The following CUBN variants were observed in gnomAD, a reference collection of about 807,000 sequenced individuals.
CUBN encodes the protein 460 kDa receptor.
CUBN carries 282 observed loss-of-function variants against 405.3 expected under a neutral mutation model. The observed-to-expected ratio is 0.70, with a 90% CI of 0.63 to 0.77. The LOEUF (loss-of-function observed/expected upper bound fraction) is 0.77, where lower values mean the gene tolerates loss of function less well. CUBN is among the 30% of genes least tolerant of loss of function. CUBN has a pLI of 0.00. For missense variants in CUBN, 4,514 were observed against 4,475.2 expected, an observed-to-expected ratio of 1.01 and a Z score of -0.25; for synonymous variants, 1,684 against 1,617.0, an observed-to-expected ratio of 1.04 and a Z score of -0.99.
In CUBN at chr10:16,854,721, G is replaced by A. The variant is rs183173703; in HGVS notation, c.9455-3278C>T. On this transcript the variant is annotated intron_variant, in intron 59 of 66. Coordinates refer to ENST00000377833, the MANE Select transcript of CUBN (RefSeq NM_001081.4). ...TTAACTGTTACTAATAAGTTCATAA[G>A]GGCAAGATGGCAATTGTACTTGGGC... Among the ~76,000 whole-genome samples the A allele has an allele frequency of 5.7e-3, 869 of 152,232 alleles. 6 individuals are homozygous for A. Among genetic ancestry groups the A allele is most frequent in the Non-Finnish European group, 9.2e-3 (623 of 68,002 alleles).
chr10:16,955,009 G>A (rs1031054322), intron 31 of CUBN, among the ~76,000 whole-genome samples: 3 of 152,208 alleles, frequency 2.0e-5, no homozygotes, highest in Admixed American at 2.0e-4. Flanking sequence ...TAATGCTCAA[G>A]AGAAGAGAAA....
intron 22 of CUBN, among the ~76,000 whole-genome samples, chr10:17,052,035 G>A (rs1835281163): frequency 6.7e-6 from 1 of 148,296 alleles, no homozygotes; most frequent in Admixed American, 6.6e-5. Flanking sequence ...GGAAAACACA[G>A]AAGCCAGTTG....
intron 6 of CUBN, among the ~76,000 whole-genome samples, chr10:17,119,015 T>G (rs1836970714): frequency 6.6e-6 from 1 of 152,194 alleles, no homozygotes; most frequent in African/African-American, 2.4e-5. Flanking sequence ...TTTTGGCAAT[T>G]GAGAAGAGGT....
At chr10:17,003,006 C>CA (rs1415805373) in intron 28 of CUBN, among the ~76,000 whole-genome samples, 1 of 152,008 alleles carries the variant, frequency 6.6e-6, no homozygotes, top group African/African-American at 2.4e-5. Context: ...ATCACAAAGA[C>CA]AAAAGCCCAA....
At chr10:17,037,723 A>G (rs1290116384) in intron 27 of CUBN, among the ~76,000 whole-genome samples, 1 of 152,222 alleles carries the variant, frequency 6.6e-6, no homozygotes, top group Non-Finnish European at 1.5e-5. Flanking sequence ...GGAGAAAAGA[A>G]GCCATCACTT....
chr10:16,831,540 A>G (rs1838994316), intron 64 of CUBN, 123 bp from the exon 65 acceptor site: 1 of 892,838 alleles, frequency 1.1e-6, no homozygotes, highest in African/African-American at 1.7e-5. Flanking sequence ...TACAGTTAAG[A>G]ATGAAGCGTT....
At position 17,024,788 on chromosome 10, in the gene CUBN, G is replaced by A. The variant is rs184264207; in HGVS notation, c.4018-4805C>T. On this transcript the variant is annotated intron_variant, in intron 27 of 66. Coordinates refer to ENST00000377833, the MANE Select transcript of CUBN (RefSeq NM_001081.4). ...CCCAAAGAGCTGAGATTACAAGTGC[G>A]AGCCACCATGCCCAGCCCCAAACTC... Among the ~76,000 whole-genome samples the A allele has an allele frequency of 8.8e-4, 134 of 152,246 alleles. 1 individual carries two copies. The highest frequency in any genetic ancestry group is 3.4e-3 in the Middle Eastern group (1 of 294).
chr10:16,985,958 C>A (rs536680162), intron 29 of CUBN, among the ~76,000 whole-genome samples: 4 of 152,310 alleles, frequency 2.6e-5, no homozygotes, highest in African/African-American at 9.6e-5. Context: ...CTAGGCCAGG[C>A]CTCCAGGAGG....
rs758205256 is a variant in CUBN, at chr10:16,840,991, T to C, written c.9720A>G (p.Thr3240=). The change falls in exon 61 of 67, where the codon ACA becomes ACG. Residue 3240 remains threonine (T), a synonymous_variant. Transcript: ENST00000377833. ...CAGAAGAGATAAAAGGAGCAGGTACTGTGGAACCACAAAACGTTCCAGCCA... is the reference window on the plus strand; with the variant it reads ...CAGAAGAGATAAAAGGAGCAGGTACCGTGGAACCACAAAACGTTCCAGCCA... The part of the protein sequence containing the change: ...ANLAGTFCGS[T]VPAPFISSGN... The C allele has an allele frequency of 5.0e-6, 8 of 1,614,028 alleles. No individual in the cohort carries two copies. In the Admixed American group the frequency reaches 8.3e-5, roughly 17 times the overall value.
At chr10:17,089,252 C>A (rs1017989990) in intron 14 of CUBN, among the ~76,000 whole-genome samples, 14 of 152,124 alleles carry the variant, frequency 9.2e-5, no homozygotes, top group Admixed American at 9.2e-4. Flanking sequence ...TCTCATTGTT[C>A]CTACTGAGAA....
At position 16,899,090 on chromosome 10, in the gene CUBN, G is replaced by A. The variant is rs1841281361; in HGVS notation, c.8504C>T (p.Ala2835Val). ...CAAGTGTTTACTTTTGTGAGTAATGGCCGTCCAGGAACATCTGCTGTTTTC... is the reference window on the plus strand; with the variant it reads ...CAAGTGTTTACTTTTGTGAGTAATGACCGTCCAGGAACATCTGCTGTTTTC... Reference protein sequence around the residue: ...FPENSRCSWTAITHKSKHLEI... With the variant: ...FPENSRCSWTVITHKSKHLEI... The change falls in exon 54 of 67, where the codon GCC becomes GTC. Residue 2835 changes from alanine (A) to valine (V), a missense_variant. By Grantham distance (64) the Ala-to-Val change is moderately conservative. Coordinates refer to ENST00000377833, the MANE Select transcript of CUBN (RefSeq NM_001081.4). 1.2e-6 allele frequency: 2 copies of A among 1,613,412 alleles called. No individual in the cohort carries two copies. The highest frequency in any genetic ancestry group is 8.5e-7 in the Non-Finnish European group (1 of 1,179,328).
chr10:17,032,737 A>T (rs951769294), intron 27 of CUBN, among the ~76,000 whole-genome samples: 3 of 152,226 alleles, frequency 2.0e-5, no homozygotes, highest in Admixed American at 6.5e-5. Context: ...TATCTCTAGA[A>T]TAATGTTTTC....
At chr10:16,926,723 A>G (rs1329544704) in intron 41 of CUBN, among the ~76,000 whole-genome samples, 44 of 152,068 alleles carry the variant, frequency 2.9e-4, no homozygotes, top group Non-Finnish European at 1.5e-5. Context: ...CCATTTGCTG[A>G]GATTATGAGG....
intron 29 of CUBN, among the ~76,000 whole-genome samples, chr10:16,985,770 G>T (rs1833400819): frequency 6.6e-6 from 1 of 152,234 alleles, no homozygotes; most frequent in African/African-American, 2.4e-5. Context: ...CCTGCGACGG[G>T]GTGGTCAGGG....
intron 27 of CUBN, among the ~76,000 whole-genome samples, chr10:17,036,205 T>G (rs576093795): frequency 5.9e-5 from 9 of 152,144 alleles, no homozygotes; most frequent in Non-Finnish European, 1.2e-4. Context: ...ATGAGCTCCC[T>G]GTGCTGGGGA....
intron 60 of CUBN, among the ~76,000 whole-genome samples, chr10:16,847,418 G>A (rs192851809): frequency 6.6e-6 from 1 of 152,056 alleles, no homozygotes; most frequent in East Asian, 1.9e-4. Flanking sequence ...CACCACTGCA[G>A]TCCAGCCTGG....
chr10:16,978,064 T>C (rs1323352857), intron 31 of CUBN, among the ~76,000 whole-genome samples: 1 of 152,238 alleles, frequency 6.6e-6, no homozygotes. Context: ...CATTATTTCA[T>C]GGCTTCAGAT....
chr10:16,863,197 G>A (rs979927177), intron 59 of CUBN, among the ~76,000 whole-genome samples: 6 of 152,144 alleles, frequency 3.9e-5, no homozygotes, highest in African/African-American at 1.4e-4. Flanking sequence ...AAAGAATAAC[G>A]TGAAGATAAC....
chr10:16,968,842 G>A (rs1288041373), intron 31 of CUBN, among the ~76,000 whole-genome samples: 3 of 152,202 alleles, frequency 2.0e-5, no homozygotes, highest in Non-Finnish European at 4.4e-5. Flanking sequence ...GGGTCCCACA[G>A]CTTCCTTAGC....
Sources: allele counts gnomAD v4.1 joint callset (sites outside exome capture counted in the v4.1 genomes callset), GRCh38; gene constraint gnomAD v4.1.1; transcripts MANE v1.5; gene names NCBI Gene and HGNC (gene_info 2026-07-23, HGNC 2026-07-21).